The following NPAS3 variants were observed in gnomAD, a reference collection of about 807,000 sequenced individuals.
The protein encoded by NPAS3 is neuronal PAS domain protein 3.
NPAS3 carries 14 observed loss-of-function variants against 73.1 expected under a neutral mutation model. That is an observed-to-expected ratio of 0.19 (90% CI 0.13 to 0.30). NPAS3 has a LOEUF of 0.30. Among genes scored for constraint, NPAS3 ranks in the 10% least tolerant of loss-of-function variants. The pLI, the probability that NPAS3 is intolerant of heterozygous loss-of-function variation, is 1.00. For synonymous variants in NPAS3, 620 were observed against 541.5 expected (o/e 1.14, Z -2.01); for missense variants, 1,096 against 1,250.0 (o/e 0.88, Z 1.86).
At chr14:33,413,140 CACA>C (rs1181619812) in intron 4 of NPAS3, among the ~76,000 whole-genome samples, 12 of 152,156 alleles carry the variant, frequency 7.9e-5, no homozygotes, top group African/African-American at 2.7e-4. Flanking sequence ...TAGCCTAAAT[CACA>C]ACAACAATTC....
At chr14:33,022,174 A>T (rs2039621642) in intron 1 of NPAS3, among the ~76,000 whole-genome samples, 1 of 152,236 alleles carries the variant, frequency 6.6e-6, no homozygotes, top group South Asian at 2.1e-4. Flanking sequence ...TTGTTTACAA[A>T]ATAGAAGGCA....
chr14:32,950,633 A>G (rs2036445840), intron 1 of NPAS3, among the ~76,000 whole-genome samples: 1 of 152,112 alleles, frequency 6.6e-6, no homozygotes. Context: ...TAACAAAAAG[A>G]AATAATCTTC....
chr14:33,778,425 T>TC (rs3831102), intron 8 of NPAS3, 41 bp from the exon 9 acceptor site: 239,604 of 1,339,452 alleles, frequency 0.18, 23,355 homozygotes, highest in Middle Eastern at 0.23. Context: ...TCTTTATATT[T>TC]CCTCCTTTCT....
chr14:32,953,745 G>A (rs2036574383), intron 1 of NPAS3, among the ~76,000 whole-genome samples: 1 of 152,036 alleles, frequency 6.6e-6, no homozygotes, highest in Admixed American at 6.6e-5. Context: ...GTTCCCACAG[G>A]GTGATAAAAA....
chr14:33,352,175 T>A (rs2045096691), intron 3 of NPAS3, among the ~76,000 whole-genome samples: 1 of 152,258 alleles, frequency 6.6e-6, no homozygotes, highest in Non-Finnish European at 1.5e-5. Context: ...GCACTTCATG[T>A]ATGCTATCTC....
chr14:33,577,694 G>A (rs560923768), intron 5 of NPAS3, among the ~76,000 whole-genome samples: 175 of 152,228 alleles, frequency 1.1e-3, no homozygotes, highest in African/African-American at 4.0e-3. Context: ...GGATAAACTG[G>A]GACTGATATG....
chr14:32,949,894 A>G (rs993080779), intron 1 of NPAS3, among the ~76,000 whole-genome samples: 1 of 152,024 alleles, frequency 6.6e-6, no homozygotes, highest in Non-Finnish European at 1.5e-5. Context: ...TTTTATATGC[A>G]TAGATGTCTT....
intron 1 of NPAS3, among the ~76,000 whole-genome samples, chr14:33,037,631 AC>A (rs1292473778): frequency 1.3e-5 from 2 of 152,148 alleles, no homozygotes; most frequent in African/African-American, 4.8e-5. Context: ...TTGCCACTGC[AC>A]TCTAGTCTGG....
At chr14:33,452,781 A>C in intron 4 of NPAS3, among the ~76,000 whole-genome samples, 1 of 123,664 alleles carries the variant, frequency 8.1e-6, no homozygotes, top group South Asian at 2.7e-4. Flanking sequence ...TCTCAAAAAA[A>C]AAAAAAAAAA....
chr14:32,969,054 T>G (rs1253324278), intron 1 of NPAS3, among the ~76,000 whole-genome samples: 1 of 152,176 alleles, frequency 6.6e-6, no homozygotes, highest in East Asian at 1.9e-4. Flanking sequence ...TGCGTTAGTT[T>G]GCTGAGGATA....
At chr14:33,118,074 T>C (rs2043123127) in intron 2 of NPAS3, among the ~76,000 whole-genome samples, 1 of 152,104 alleles carries the variant, frequency 6.6e-6, no homozygotes, top group African/African-American at 2.4e-5. Context: ...TTCCAGTCTA[T>C]TTCCCTCTTT....
intron 4 of NPAS3, among the ~76,000 whole-genome samples, chr14:33,407,730 C>T (rs753998385): frequency 1.3e-5 from 2 of 152,046 alleles, no homozygotes; most frequent in Admixed American, 6.6e-5. Context: ...TCTCTTCCAA[C>T]TTCTGTTTGA....
intron 5 of NPAS3, among the ~76,000 whole-genome samples, chr14:33,600,259 C>T (rs1443928207): frequency 1.3e-5 from 2 of 152,134 alleles, no homozygotes; most frequent in African/African-American, 4.8e-5. Flanking sequence ...TATGACCATC[C>T]TTGTTAAATA....
At chr14:33,401,555 C>T (rs902769717) in intron 4 of NPAS3, among the ~76,000 whole-genome samples, 2 of 152,034 alleles carry the variant, frequency 1.3e-5, no homozygotes, top group African/African-American at 4.8e-5. Flanking sequence ...AGCTGCATGC[C>T]TTTGATTGTC....
At chr14:33,667,072 C>T (rs1360339736) in intron 5 of NPAS3, among the ~76,000 whole-genome samples, 3 of 152,204 alleles carry the variant, frequency 2.0e-5, no homozygotes, top group Non-Finnish European at 4.4e-5. Flanking sequence ...TTCAATTTCA[C>T]ATATCTAAAA....
chr14:33,718,336 C>T (rs2061013561), intron 6 of NPAS3, among the ~76,000 whole-genome samples: 1 of 151,906 alleles, frequency 6.6e-6, no homozygotes, highest in African/African-American at 2.4e-5. Context: ...CTTTCTTTTT[C>T]ATCATTTTTA....
At chr14:33,501,997 A>C (rs985962808) in intron 4 of NPAS3, among the ~76,000 whole-genome samples, 1 of 151,874 alleles carries the variant, frequency 6.6e-6, no homozygotes, top group Non-Finnish European at 1.5e-5. Flanking sequence ...TATTTCATCT[A>C]ATTCATCCAA....
At chr14:33,026,211 C>G (rs771434607) in intron 1 of NPAS3, among the ~76,000 whole-genome samples, 3 of 152,234 alleles carry the variant, frequency 2.0e-5, no homozygotes, top group Non-Finnish European at 4.4e-5. Context: ...AGCTAGTCTT[C>G]TGGCTGGCCC....
upstream of NPAS3, among the ~76,000 whole-genome samples, chr14:32,938,263 G>C (rs2139010697): frequency 6.6e-6 from 1 of 152,152 alleles, no homozygotes; most frequent in South Asian, 2.1e-4. Context: ...CCCCCCATCC[G>C]TATTGATTTC....
Sources: gnomAD v4.1 joint callset for allele counts (sites outside exome capture counted in the v4.1 genomes callset) on GRCh38, gnomAD v4.1.1 for gene constraint, MANE v1.5 for transcripts, NCBI Gene and HGNC (gene_info 2026-07-23, HGNC 2026-07-21) for gene names.